Variants in RCOR1 observed in about 807,000 individuals in gnomAD.
The protein encoded by RCOR1 is REST corepressor 1, also known as REST corepressor.
A neutral mutation model predicts 64.0 loss-of-function variants in RCOR1; 12 were observed. The observed-to-expected ratio is 0.19, with a 90% CI of 0.12 to 0.30. The LOEUF (loss-of-function observed/expected upper bound fraction) is 0.30. RCOR1 is among the 10% of genes least tolerant of loss of function. The probability of loss-of-function intolerance (pLI) is 1.00; values close to 1 mark genes in which losing one functional copy is unlikely to be tolerated. For synonymous variants in RCOR1, 279 were observed against 227.2 expected, an observed-to-expected ratio of 1.23 and a Z score of -2.05; for missense variants, 502 against 621.2, an observed-to-expected ratio of 0.81 and a Z score of 2.04.
At chr14:102,630,073 C>T (rs558450187) in intron 2 of RCOR1, 2 of 829,652 alleles carry the variant, frequency 2.4e-6, no homozygotes, top group African/African-American at 3.7e-5. Flanking sequence ...TAGCAAACCT[C>T]ATGTTGAAAT....
intron 2 of RCOR1, among the ~76,000 whole-genome samples, chr14:102,639,502 TTTATTTATTTATTTA>T (rs1894319161): frequency 4.1e-5 from 1 of 24,370 alleles, no homozygotes; most frequent in African/African-American, 2.1e-4. Flanking sequence ...TTAATTTTTA[TTTATTTATTTATTTA>T]TTTATTTATT....
chr14:102,607,368 G>C (rs367669570), intron 2 of RCOR1, among the ~76,000 whole-genome samples: 1 of 152,114 alleles, frequency 6.6e-6, no homozygotes, highest in Admixed American at 6.6e-5. Flanking sequence ...TCCTTATAAT[G>C]AATTTGTATA....
chr14:102,634,028 A>AG (rs942843973), intron 2 of RCOR1, among the ~76,000 whole-genome samples: 3 of 152,064 alleles, frequency 2.0e-5, no homozygotes, highest in African/African-American at 7.3e-5. Context: ...TGCCTCAAGG[A>AG]GGTAGGGTGA....
intron 2 of RCOR1, among the ~76,000 whole-genome samples, chr14:102,602,961 C>T (rs975414196): frequency 6.6e-6 from 1 of 152,136 alleles, no homozygotes; most frequent in African/African-American, 2.4e-5. Flanking sequence ...CTGCTGTGTC[C>T]TCCCAAAGTG....
At chr14:102,713,242 C>G (rs1395723814) in intron 7 of RCOR1, among the ~76,000 whole-genome samples, 5 of 150,854 alleles carry the variant, frequency 3.3e-5, no homozygotes, top group African/African-American at 9.7e-5. Flanking sequence ...CCGTGAGCCA[C>G]CACACCTGGC....
intron 2 of RCOR1, among the ~76,000 whole-genome samples, chr14:102,595,381 A>G (rs1893220260): frequency 6.6e-6 from 1 of 152,104 alleles, no homozygotes; most frequent in Non-Finnish European, 1.5e-5. Flanking sequence ...ATGTGCCTGT[A>G]GTTTCAGCTA....
At chr14:102,689,791 T>TAG (rs1171478742) in intron 3 of RCOR1, among the ~76,000 whole-genome samples, 1 of 152,230 alleles carries the variant, frequency 6.6e-6, no homozygotes, top group Non-Finnish European at 1.5e-5. Flanking sequence ...ATGCCTGGGC[T>TAG]AGAGTGCAGT....
At chr14:102,704,127 A>G (rs1895802865) in intron 4 of RCOR1, among the ~76,000 whole-genome samples, 1 of 152,194 alleles carries the variant, frequency 6.6e-6, no homozygotes, top group African/African-American at 2.4e-5. Flanking sequence ...TTGTTTACTA[A>G]GGACCTTTGT....
intron 2 of RCOR1, among the ~76,000 whole-genome samples, chr14:102,671,294 G>T (rs1335256023): frequency 6.6e-6 from 1 of 152,130 alleles, no homozygotes; most frequent in Non-Finnish European, 1.5e-5. Context: ...ATTTTTTAGG[G>T]TATAGGGGAG....
intron 5 of RCOR1, among the ~76,000 whole-genome samples, chr14:102,707,804 T>G (rs1218545710): frequency 6.6e-6 from 1 of 151,734 alleles, no homozygotes; most frequent in Non-Finnish European, 1.5e-5. Context: ...GGACTTTTTT[T>G]TTTTAGACGG....
At chr14:102,714,971 A>G (rs988095272) in intron 8 of RCOR1, among the ~76,000 whole-genome samples, 3 of 151,912 alleles carry the variant, frequency 2.0e-5, no homozygotes, top group African/African-American at 7.3e-5. Flanking sequence ...AGGCCCATGC[A>G]TTTTCCCTCC....
intron 2 of RCOR1, among the ~76,000 whole-genome samples, chr14:102,642,665 G>A (rs994750298): frequency 1.1e-4 from 17 of 151,996 alleles, no homozygotes; most frequent in African/African-American, 3.6e-4. Flanking sequence ...GTGAGACCTC[G>A]TCTCTATAAA....
chr14:102,656,939 C>T (rs1025869241), intron 2 of RCOR1: 7 of 224,096 alleles, frequency 3.1e-5, no homozygotes, highest in African/African-American at 4.7e-5. Flanking sequence ...CCATGCATGG[C>T]TCATTTTTGT....
intron 2 of RCOR1, among the ~76,000 whole-genome samples, chr14:102,681,347 G>A (rs111341748): frequency 0.017 from 2,583 of 152,192 alleles, 32 homozygotes; most frequent in African/African-American, 0.026. Flanking sequence ...GATGACAGCC[G>A]CTTGCGGTTA....
At chr14:102,606,504 G>A (rs1247296906) in intron 2 of RCOR1, among the ~76,000 whole-genome samples, 2 of 152,150 alleles carry the variant, frequency 1.3e-5, no homozygotes, top group African/African-American at 2.4e-5. Context: ...AGAAGAGTAG[G>A]TGCTTAACTA....
At chr14:102,722,510 T>C (rs1896185541) in intron 11 of RCOR1, 94 bp downstream of exon 11, 1 of 1,002,340 alleles carries the variant, frequency 1.0e-6, no homozygotes, top group East Asian at 2.5e-5. Flanking sequence ...ATAGAGATTT[T>C]TAGGTATCAG....
chr14:102,652,163 C>CCAGTAGTTAAACCA (rs1894606898), intron 2 of RCOR1, among the ~76,000 whole-genome samples: 2 of 152,154 alleles, frequency 1.3e-5, no homozygotes, highest in Non-Finnish European at 2.9e-5. Flanking sequence ...ATGTACCAGA[C>CCAGTAGTTAAACCA]GTTTGCTACT....
intron 2 of RCOR1, among the ~76,000 whole-genome samples, chr14:102,599,163 A>G (rs771259481): frequency 4.0e-5 from 6 of 151,068 alleles, no homozygotes; most frequent in Non-Finnish European, 7.4e-5. Context: ...ATAGGGTCAC[A>G]CTCTGTCACC....
At chr14:102,615,630 T>C (rs1402483283) in intron 2 of RCOR1, among the ~76,000 whole-genome samples, 2 of 151,978 alleles carry the variant, frequency 1.3e-5, no homozygotes. Flanking sequence ...GTATTTTTAG[T>C]AGAGACAGGG....
Sources: gnomAD v4.1 joint callset for allele counts (sites outside exome capture counted in the v4.1 genomes callset) on GRCh38, gnomAD v4.1.1 for gene constraint, MANE v1.5 for transcripts, NCBI Gene and HGNC (gene_info 2026-07-23, HGNC 2026-07-21) for gene names.